The following MLIP variants were observed in gnomAD, a reference collection of about 807,000 sequenced individuals.
MLIP encodes muscular LMNA-interacting protein.
MLIP carries 79 observed loss-of-function variants against 84.8 expected under a neutral mutation model. The ratio of observed to expected loss-of-function variants is 0.93; its 90% CI spans 0.78 to 1.12. MLIP has a LOEUF of 1.12. Ranked by LOEUF, MLIP falls within the 50% of genes most tolerant of loss-of-function variation. The pLI, the probability that MLIP is intolerant of heterozygous loss-of-function variation, is 0.00. For synonymous variants in MLIP, 504 were observed against 463.0 expected, an observed-to-expected ratio of 1.09 and a Z score of -1.14; for missense variants, 1,257 against 1,160.6, an observed-to-expected ratio of 1.08 and a Z score of -1.21.
At chr6:54,116,985 A>G (rs147604738) in intron 1 of MLIP, among the ~76,000 whole-genome samples, 2 of 152,332 alleles carry the variant, frequency 1.3e-5, no homozygotes, top group Non-Finnish European at 2.9e-5. Flanking sequence ...AACTGAATTA[A>G]AGACATAAAA....
intron 3 of MLIP, among the ~76,000 whole-genome samples, chr6:54,133,412 G>C (rs1771545364): frequency 6.6e-6 from 1 of 152,178 alleles, no homozygotes; most frequent in South Asian, 2.1e-4. Flanking sequence ...ATTATGCAAT[G>C]ATTGGTATGT....
At chr6:54,107,560 C>T (rs952739389), upstream of MLIP, among the ~76,000 whole-genome samples, 4 of 152,102 alleles carry the variant, frequency 2.6e-5, no homozygotes, top group African/African-American at 9.7e-5. Context: ...AGAAGTGTCC[C>T]AGTGTTTGCC....
chr6:54,060,662 T>G (rs972985511), intron 1 of MLIP, among the ~76,000 whole-genome samples: 9 of 152,174 alleles, frequency 5.9e-5, no homozygotes, highest in African/African-American at 2.2e-4. Context: ...TAGGAAACAT[T>G]TTAAGTCAAG....
upstream of MLIP, among the ~76,000 whole-genome samples, chr6:54,108,503 G>A (rs192828306): frequency 2.0e-5 from 3 of 152,242 alleles, no homozygotes; most frequent in African/African-American, 7.2e-5. Flanking sequence ...GCTATATGTA[G>A]TTACTATCCA....
chr6:54,136,162 T>C (rs1412252369), intron 3 of MLIP, among the ~76,000 whole-genome samples: 1 of 152,234 alleles, frequency 6.6e-6, no homozygotes, highest in Non-Finnish European at 1.5e-5. Context: ...TTTATCATTC[T>C]GTGTTGACAT....
chr6:54,200,787 G>A (rs1296746018), intron 10 of MLIP, among the ~76,000 whole-genome samples: 2 of 152,112 alleles, frequency 1.3e-5, no homozygotes, highest in African/African-American at 4.8e-5. Context: ...ATAGAGACTT[G>A]TCTCAATCTG....
intron 1 of MLIP, among the ~76,000 whole-genome samples, chr6:54,080,367 C>T (rs766852228): frequency 1.3e-5 from 2 of 152,044 alleles, no homozygotes; most frequent in Admixed American, 6.5e-5. Context: ...CTTCACCCCC[C>T]ACCCCAGTTT....
intron 4 of MLIP, among the ~76,000 whole-genome samples, chr6:54,143,990 GGGGTCCT>G (rs1772558056): frequency 1.3e-5 from 2 of 152,114 alleles, no homozygotes; most frequent in South Asian, 4.1e-4. Context: ...GGGATGCAGT[GGGGTCCT>G]GGGAAGGGAC....
rs1158418695 is a variant in MLIP, at chr6:54,137,003, A to G, written c.934A>G (p.Ser312Gly). 2.0e-6 allele frequency: 3 copies of G among 1,536,080 alleles called. No individual in the cohort carries two copies. The highest frequency in any genetic ancestry group is 2.6e-6 in the Non-Finnish European group (3 of 1,146,876). ...STQLSGSNLPSSTAADPKPGL... is the reference protein window; with the variant it reads ...STQLSGSNLPGSTAADPKPGL... ...TCAACTATCAGGTTCTAATTTACCCAGTTCAACTGCAGCAGATCCAAAGCC... is the reference window on the plus strand; with the variant it reads ...TCAACTATCAGGTTCTAATTTACCCGGTTCAACTGCAGCAGATCCAAAGCC... Residue 312 changes from serine (S) to glycine (G), a missense_variant, in exon 4 of 14, where the codon AGT (serine) becomes GGT (glycine). Ser to Gly is a moderately conservative substitution (Grantham distance 56). Transcript: ENST00000502396.
At chr6:54,171,646 G>GC (rs1775779029) in intron 9 of MLIP, among the ~76,000 whole-genome samples, 1 of 151,238 alleles carries the variant, frequency 6.6e-6, no homozygotes, top group Non-Finnish European at 1.5e-5. Context: ...ATAAGCTTTG[G>GC]TCTTAAATGA....
intron 11 of MLIP, among the ~76,000 whole-genome samples, chr6:54,219,730 C>G (rs1049414069): frequency 6.6e-6 from 1 of 152,016 alleles, no homozygotes; most frequent in African/African-American, 2.4e-5. Flanking sequence ...ACATGGGTCT[C>G]CTTTGTAGGT....
chr6:54,105,682 T>C (rs960881066), intron 1 of MLIP, among the ~76,000 whole-genome samples: 4 of 151,906 alleles, frequency 2.6e-5, no homozygotes, highest in Non-Finnish European at 5.9e-5. Context: ...GGGGGGCAGG[T>C]GTGGGATTGC....
rs192386139 is a variant in MLIP, at chr6:54,249,416, A to T, written c.2923-7892A>T. ...TAAATATTAATAAATGTTGTAATAT[A>T]TTTTTGATATTTGGCCTAATACAGA... On this transcript the variant is annotated intron_variant, in intron 12 of 13. Transcript: ENST00000502396. 3.9e-3 allele frequency among the ~76,000 whole-genome samples: 593 copies of T among 152,142 alleles called. 5 individuals are homozygous for T. The highest frequency in any genetic ancestry group is 0.013 in the African/African-American group (559 of 41,516).
At chr6:54,234,153 C>A (rs998852523) in intron 12 of MLIP, among the ~76,000 whole-genome samples, 1 of 152,066 alleles carries the variant, frequency 6.6e-6, no homozygotes, top group Non-Finnish European at 1.5e-5. Context: ...AGTGAGATAG[C>A]CCAGCAGGTT....
Position 54,180,766 on chromosome 6 carries a change from A to T in MLIP, c.2545-9104A>T, listed in dbSNP as rs1291399401. On this transcript the variant is annotated intron_variant, in intron 9 of 13. Transcript: ENST00000502396. ...CTCTGTGTTATCTTGAATTTCTTTG[A>T]GTAGTCTCAACACAGCTATTTTGAA... 2.6e-5 allele frequency among the ~76,000 whole-genome samples: 4 copies of T among 152,134 alleles called. No homozygotes were observed. In the East Asian group the frequency reaches 7.7e-4, roughly 29 times the overall value.
At chr6:54,232,594 C>T (rs1781080818) in intron 12 of MLIP, among the ~76,000 whole-genome samples, 1 of 152,024 alleles carries the variant, frequency 6.6e-6, no homozygotes, top group African/African-American at 2.4e-5. Flanking sequence ...ATCTGTATTG[C>T]CTTATTAAAG....
At chr6:54,124,980 A>C (rs913381957) in intron 3 of MLIP, 115 bp downstream of exon 3, 2 of 838,236 alleles carry the variant, frequency 2.4e-6, no homozygotes, top group Non-Finnish European at 3.4e-6. Flanking sequence ...TCAAAGAAAA[A>C]TATATTTAAA....
intron 12 of MLIP, among the ~76,000 whole-genome samples, chr6:54,255,772 G>T (rs1045583728): frequency 3.3e-5 from 5 of 152,088 alleles, no homozygotes; most frequent in African/African-American, 1.2e-4. Context: ...GCTTTATTGG[G>T]ATATTACCAA....
intron 8 of MLIP, among the ~76,000 whole-genome samples, chr6:54,163,078 T>C (rs1212802892): frequency 6.6e-6 from 1 of 152,052 alleles, no homozygotes. Flanking sequence ...TTTGAAACCA[T>C]ATTGCTGGTG....
Sources: allele counts gnomAD v4.1 joint callset (sites outside exome capture counted in the v4.1 genomes callset), GRCh38; gene constraint gnomAD v4.1.1; transcripts MANE v1.5; gene names NCBI Gene and HGNC (gene_info 2026-07-23, HGNC 2026-07-21).